Variants in SGSM2 observed in about 807,000 individuals in gnomAD.
The protein encoded by SGSM2 is RUN and TBC1 domain containing 1.
SGSM2 carries 89 observed loss-of-function variants against 126.6 expected under a neutral mutation model. That is an observed-to-expected ratio of 0.70 (90% CI 0.59 to 0.84). The LOEUF is 0.84. Ranked by LOEUF, SGSM2 falls within the 40% of genes least tolerant of loss-of-function variation. The pLI, the probability that SGSM2 is intolerant of heterozygous loss-of-function variation, is 0.00. For missense variants in SGSM2, 1,404 were observed against 1,416.6 expected (o/e 0.99, Z 0.14); for synonymous variants, 614 against 574.3 (o/e 1.07, Z -0.99).
chr17:2,376,444 A>G, intron 19 of SGSM2, 183 bp downstream of exon 19: 1 of 721,728 alleles, frequency 1.4e-6, no homozygotes, highest in Non-Finnish European at 2.2e-6. Flanking sequence ...TTAGGGGCCT[A>G]CCAGACCTCC....
chr17:2,358,712 A>AG (rs2065180174), intron 2 of SGSM2, among the ~76,000 whole-genome samples: 1 of 71,288 alleles, frequency 1.4e-5, no homozygotes, highest in Non-Finnish European at 4.2e-5. Flanking sequence ...ACCCGGTCTC[A>AG]AAAAAAACGG....
At chr17:2,342,179 G>C (rs2064394233) in intron 1 of SGSM2, among the ~76,000 whole-genome samples, 1 of 151,778 alleles carries the variant, frequency 6.6e-6, no homozygotes, top group Non-Finnish European at 1.5e-5. Context: ...CACTTTGGGA[G>C]GCCAACGCGG....
chr17:2,375,999 G>C, intron 18 of SGSM2, 124 bp downstream of exon 18: 1 of 1,518,530 alleles, frequency 6.6e-7, no homozygotes, highest in Non-Finnish European at 8.8e-7. Flanking sequence ...GGAGTTCTGA[G>C]CCCATTTCTC....
chr17:2,367,314 G>A lies in SGSM2; in HGVS notation c.1332G>A (p.Ser444=), dbSNP rs777763472. ...ACCTAGCGGCCAGCCGCGCGGCCTC[G>A]GTGGACGATGATGAGGAAGAGGAGG... The part of the protein sequence containing the change: ...YHHLAASRAA[S]VDDDEEEEDK... Residue 444 remains serine (S), a synonymous_variant, in exon 12 of 24, where the codon TCG becomes TCA. Coordinates refer to ENST00000268989, the MANE Select transcript of SGSM2 (RefSeq NM_014853.3). This position sits in a 1 kb window ranked among gnomAD's most constrained non-coding sequence, Gnocchi z 4.0. 12 of 1,613,958 alleles carry A rather than the reference G, an allele frequency of 7.4e-6. No individual in the cohort carries two copies. The highest frequency in any genetic ancestry group is 5.0e-5 in the Admixed American group (3 of 59,990).
At chr17:2,347,102 T>A (rs569245551) in intron 2 of SGSM2, among the ~76,000 whole-genome samples, 1 of 152,076 alleles carries the variant, frequency 6.6e-6, no homozygotes, top group African/African-American at 2.4e-5. Flanking sequence ...CTCGTTTGTT[T>A]GTTTATTTAT....
At chr17:2,341,363 G>A (rs2064360593) in intron 1 of SGSM2, among the ~76,000 whole-genome samples, 1 of 152,336 alleles carries the variant, frequency 6.6e-6, no homozygotes, top group South Asian at 2.1e-4. Flanking sequence ...TTACAGGCGT[G>A]AGCCACCATG....
intron 1 of SGSM2, among the ~76,000 whole-genome samples, chr17:2,338,349 A>G (rs2064182132): frequency 6.6e-6 from 1 of 150,750 alleles, no homozygotes; most frequent in Non-Finnish European, 1.5e-5. Context: ...TTCCCTTTTG[A>G]GGGAAGCCCC....
chr17:2,375,429 G>C, intron 17 of SGSM2, 63 bp from the exon 18 acceptor site: 1 of 1,533,786 alleles, frequency 6.5e-7, no homozygotes, highest in South Asian at 1.3e-5. Flanking sequence ...CTGGCCCGAG[G>C]AGGCGGTGGG....
chr17:2,360,218 T>G (rs1232450985), intron 2 of SGSM2, among the ~76,000 whole-genome samples: 1 of 152,118 alleles, frequency 6.6e-6, no homozygotes, highest in Non-Finnish European at 1.5e-5. Flanking sequence ...GGTGTGTGCC[T>G]GTAGTCTCAG....
At chr17:2,354,733 T>C (rs1386330823) in intron 2 of SGSM2, among the ~76,000 whole-genome samples, 2 of 152,260 alleles carry the variant, frequency 1.3e-5, no homozygotes, top group Admixed American at 6.5e-5. Context: ...ACCAGCAATA[T>C]ATGAATGGAT....
intron 2 of SGSM2, among the ~76,000 whole-genome samples, chr17:2,346,176 G>T (rs116750420): frequency 1.5e-3 from 224 of 152,300 alleles, no homozygotes; most frequent in African/African-American, 5.2e-3. Context: ...TGGGAGAAAT[G>T]GGAGTATAGA....
intron 22 of SGSM2, among the ~76,000 whole-genome samples, chr17:2,378,178 A>T (rs1013879700): frequency 6.6e-6 from 1 of 152,162 alleles, no homozygotes; most frequent in African/African-American, 2.4e-5. Flanking sequence ...ACGCCTGTAA[A>T]CCCAGCACTT....
chr17:2,360,271 G>C (rs1400772982), intron 2 of SGSM2, among the ~76,000 whole-genome samples: 1 of 152,102 alleles, frequency 6.6e-6, no homozygotes, highest in Admixed American at 6.5e-5. Flanking sequence ...GAACCACAGA[G>C]GTCAGCTCTC....
In SGSM2 at chr17:2,367,477, CAG is replaced by C; in HGVS notation, c.1423+73_1423+74del. On this transcript the variant is annotated intron_variant, in intron 12 of 23. Transcript: ENST00000268989. The surrounding 1 kb of genome is among the most constrained non-coding windows in gnomAD (Gnocchi z 4.0). ...TCCCGGGCCCGCCTGCCACCCACCA[CAG>C]GGGTTCGAACGGCAGTGTTGGCATT... 1.9e-6 allele frequency: 3 copies of C among 1,549,732 alleles called. No homozygotes were observed. The highest frequency in any genetic ancestry group is 2.6e-6 in the Non-Finnish European group (3 of 1,138,812).
chr17:2,380,227 C>A lies in SGSM2; in HGVS notation c.*707C>A. The A allele has an allele frequency of 6.5e-7, 1 of 1,535,792 alleles. No individual in the cohort carries two copies. Among genetic ancestry groups the A allele is most frequent in the Non-Finnish European group, 8.7e-7 (1 of 1,146,706 alleles). On this transcript the variant is annotated 3_prime_UTR_variant, in exon 24 of 24. Coordinates refer to ENST00000268989, the MANE Select transcript of SGSM2 (RefSeq NM_014853.3). ...AGTGTACCTCTGTGTATCTGTACAG[C>A]CTCGCTCCTGCCACCCCACCCTTGC...
intron 9 of SGSM2, 73 bp downstream of exon 9, chr17:2,364,736 G>T: frequency 6.3e-7 from 1 of 1,577,614 alleles, no homozygotes; most frequent in East Asian, 2.2e-5. Flanking sequence ...CTGTGCGTGG[G>T]GCCTGTAAGA....
At chr17:2,357,304 G>A (rs2065126719) in intron 2 of SGSM2, among the ~76,000 whole-genome samples, 1 of 152,022 alleles carries the variant, frequency 6.6e-6, no homozygotes, top group Non-Finnish European at 1.5e-5. Context: ...GGGCTGACAG[G>A]GTAGAGAATG....
rs1204768794 is a variant in SGSM2 at position 2,367,251 on chromosome 17, T to C, written c.1289-20T>C. 6.2e-7 allele frequency: 1 copy of C among 1,607,242 alleles called. No homozygotes were observed. The highest frequency in any genetic ancestry group is 1.3e-5 in the African/African-American group (1 of 74,862). On this transcript the variant is annotated intron_variant, in intron 11 of 23. Transcript: ENST00000268989. This position sits in a 1 kb window ranked among gnomAD's most constrained non-coding sequence, Gnocchi z 4.0. ...GATGAGGGCCTCATGCCTCTGCCTC[T>C]CGCTGTTCTCTTTGAGCAGTCACTA... is the stretch of plus-strand genomic sequence containing the variant.
chr17:2,337,648 G>C lies in SGSM2; in HGVS notation c.-41G>C, dbSNP rs1202180935. 2.2e-6 allele frequency: 3 copies of C among 1,378,114 alleles called. No individual in the cohort carries two copies. Among genetic ancestry groups the C allele is most frequent in the Non-Finnish European group, 2.9e-6 (3 of 1,046,018 alleles). 85.4% of individuals were successfully genotyped at this position (1,378,114 alleles called of 1,614,324 possible). On this transcript the variant is annotated 5_prime_UTR_variant, in exon 1 of 24. Coordinates refer to ENST00000268989, the MANE Select transcript of SGSM2 (RefSeq NM_014853.3). This position sits in a 1 kb window ranked among gnomAD's most constrained non-coding sequence, Gnocchi z 5.1. Reference sequence around the variant, plus strand: ...AGAGGCGCGGAGGCGGCGAGGGCGCGGGGGCTCTGAGGACCGCTCGGCGCC... The same window carrying C: ...AGAGGCGCGGAGGCGGCGAGGGCGCCGGGGCTCTGAGGACCGCTCGGCGCC...
Sources: gnomAD v4.1 joint callset for allele counts (sites outside exome capture counted in the v4.1 genomes callset) on GRCh38, gnomAD v4.1.1 for gene constraint, Gnocchi (gnomAD v3.1) non-coding constraint, MANE v1.5 for transcripts, NCBI Gene and HGNC (gene_info 2026-07-23, HGNC 2026-07-21) for gene names.